The following TRAT1 variants were observed in gnomAD, a reference collection of about 807,000 sequenced individuals.
TRAT1 encodes T cell receptor associated transmembrane adaptor 1.
TRAT1 carries 20 observed loss-of-function variants against 20.0 expected under a neutral mutation model. The ratio of observed to expected loss-of-function variants is 1.00; its 90% CI spans 0.70 to 1.45. The LOEUF (loss-of-function observed/expected upper bound fraction) is 1.45, where lower values mean the gene tolerates loss of function less well. Among genes scored for constraint, TRAT1 ranks in the 40% most tolerant of loss-of-function variants. The pLI is 0.00. For missense variants in TRAT1, 237 were observed against 224.1 expected, an observed-to-expected ratio of 1.06 and a Z score of -0.37; for synonymous variants, 77 against 74.2, an observed-to-expected ratio of 1.04 and a Z score of -0.20.
chr3:108,839,631 T>TGA (rs1399102434), intron 3 of TRAT1, among the ~76,000 whole-genome samples: 5 of 143,150 alleles, frequency 3.5e-5, no homozygotes, highest in Non-Finnish European at 6.0e-5. Flanking sequence ...GACGACAGAG[T>TGA]GAGACTCTGT....
intron 1 of TRAT1, among the ~76,000 whole-genome samples, chr3:108,824,016 C>T (rs746488954): frequency 2.6e-5 from 4 of 151,980 alleles, no homozygotes; most frequent in Admixed American, 1.3e-4. Context: ...GGACTACAGG[C>T]GCGTGCCACC....
At chr3:108,846,782 CGA>C (rs1945947565) in intron 3 of TRAT1, among the ~76,000 whole-genome samples, 2 of 152,136 alleles carry the variant, frequency 1.3e-5, no homozygotes, top group South Asian at 4.1e-4. Context: ...GAAATATACT[CGA>C]TGTAGCGCCT....
chr3:108,845,412 T>C (rs1354762758), intron 3 of TRAT1, among the ~76,000 whole-genome samples: 1 of 152,224 alleles, frequency 6.6e-6, no homozygotes, highest in Non-Finnish European at 1.5e-5. Flanking sequence ...TTATTAAAAA[T>C]TCTTCAGTTT....
At position 108,830,656 on chromosome 3, in the gene TRAT1, A is replaced by T; in HGVS notation, c.8-14A>T. On this transcript the variant is annotated splice_polypyrimidine_tract_variant and intron_variant, in intron 1 of 5. Coordinates refer to ENST00000295756, the MANE Select transcript of TRAT1 (RefSeq NM_016388.4). ...CAGCTGTTATATTATGTGTATGTTTATTTTAATTTCCAGGAATCTCTGGGT... is the reference window on the plus strand; with the variant it reads ...CAGCTGTTATATTATGTGTATGTTTTTTTTAATTTCCAGGAATCTCTGGGT... 1 of 1,557,202 alleles carries T rather than the reference A, an allele frequency of 6.4e-7. No individual in the cohort carries two copies.
At chr3:108,832,305 G>T (rs948068672) in intron 2 of TRAT1, among the ~76,000 whole-genome samples, 10 of 152,076 alleles carry the variant, frequency 6.6e-5, no homozygotes, top group Non-Finnish European at 1.3e-4. Context: ...ACTCTTTTTG[G>T]ATCTCTATTA....
Position 108,854,588 on chromosome 3 carries a change from G to A in TRAT1, c.*711G>A, listed in dbSNP as rs1286806959. On this transcript the variant is annotated 3_prime_UTR_variant, in exon 6 of 6. Transcript: ENST00000295756. ...GCATGCTTATGTATGTACATCAGTT[G>A]TTTCTTTTTATTTTGAACCAAAAAT... is the stretch of plus-strand genomic sequence containing the variant. 2 of 151,908 alleles carry A rather than the reference G, an allele frequency of 1.3e-5. No individual in the cohort carries two copies. Among genetic ancestry groups the A allele is most frequent in the African/African-American group, 4.8e-5 (2 of 41,386 alleles). The allele number at this position is 151,908 out of a possible 1,614,324, so 9.4% of individuals were successfully genotyped here. A position where few individuals can be genotyped will look rare whatever the true frequency, so the allele number is the denominator to read the frequency against.
At chr3:108,840,454 G>A (rs1166175972) in intron 3 of TRAT1, among the ~76,000 whole-genome samples, 1 of 151,844 alleles carries the variant, frequency 6.6e-6, no homozygotes, top group African/African-American at 2.4e-5. Context: ...TGATGGTTTA[G>A]GGATTAGGAT....
chr3:108,850,033 C>T (rs773535112), intron 5 of TRAT1, among the ~76,000 whole-genome samples: 5 of 152,180 alleles, frequency 3.3e-5, no homozygotes, highest in South Asian at 2.1e-4. Flanking sequence ...GCAATTTTTA[C>T]GTGTTGGTCT....
At chr3:108,830,855 G>A (rs1576518451) in intron 2 of TRAT1, 75 bp downstream of exon 2, 1 of 897,744 alleles carries the variant, frequency 1.1e-6, no homozygotes, top group South Asian at 1.5e-5. Flanking sequence ...ACCTATGGAA[G>A]CAGACAATTT....
chr3:108,842,443 G>A (rs1300395969), intron 3 of TRAT1, among the ~76,000 whole-genome samples: 1 of 152,114 alleles, frequency 6.6e-6, no homozygotes, highest in Non-Finnish European at 1.5e-5. Flanking sequence ...CCCCTTCCCT[G>A]ACATCACAGA....
intron 3 of TRAT1, among the ~76,000 whole-genome samples, chr3:108,843,638 G>T (rs550594472): frequency 9.2e-5 from 14 of 152,228 alleles, no homozygotes; most frequent in South Asian, 2.1e-4. Context: ...AACTTGAAAG[G>T]TCCCTCTATA....
chr3:108,826,554 C>A (rs572738718), intron 1 of TRAT1, among the ~76,000 whole-genome samples: 47 of 152,080 alleles, frequency 3.1e-4, no homozygotes, highest in African/African-American at 1.1e-3. Flanking sequence ...GTGTCACGTT[C>A]AAAAAATCAT....
In TRAT1 at chr3:108,841,495, A is replaced by G. The variant is rs546915912; in HGVS notation, c.152+2528A>G. 1.5e-4 allele frequency among the ~76,000 whole-genome samples: 23 copies of G among 152,160 alleles called. No individual in the cohort carries two copies. The South Asian group carries it at 4.0e-3, about 26-fold the overall frequency. ...AACAGGGCAAGTGAAAATAAGGTCT[A>G]TGTTTCTCGGGTGGGGCTTGCGTTA... On this transcript the variant is annotated intron_variant, in intron 3 of 5. Coordinates refer to ENST00000295756, the MANE Select transcript of TRAT1 (RefSeq NM_016388.4).
intron 3 of TRAT1, among the ~76,000 whole-genome samples, chr3:108,844,861 A>AAAAAAAAAAAAG (rs1945927673): frequency 7.3e-6 from 1 of 137,246 alleles, no homozygotes; most frequent in Non-Finnish European, 1.6e-5. Flanking sequence ...AAAAAAAAAA[A>AAAAAAAAAAAAG]AAAAAAAAGA....
Position 108,849,242 on chromosome 3 carries a change from C to A in TRAT1, c.291C>A (p.Thr97=). Reference sequence around the variant, plus strand: ...CTGTAAATAAGATGCAGGAAGCCACCCCATCTGCACAGGTGAGTTTTGTTT... The same window carrying A: ...CTGTAAATAAGATGCAGGAAGCCACACCATCTGCACAGGTGAGTTTTGTTT... The part of the protein sequence containing the change: ...EKSVNKMQEA[T]PSAQATNETQ... The change falls in exon 5 of 6, where the codon ACC becomes ACA. Residue 97 remains threonine (T), a synonymous_variant. Transcript: ENST00000295756. The A allele has an allele frequency of 6.2e-7, 1 of 1,613,700 alleles. No homozygotes were observed. Among genetic ancestry groups the A allele is most frequent in the South Asian group, 1.1e-5 (1 of 91,046 alleles).
At chr3:108,841,907 G>C (rs1264359554) in intron 3 of TRAT1, among the ~76,000 whole-genome samples, 1 of 152,200 alleles carries the variant, frequency 6.6e-6, no homozygotes, top group Non-Finnish European at 1.5e-5. Context: ...ATTTTAAACA[G>C]ACTTGCAATT....
chr3:108,843,870 TTTC>T (rs1397622132), intron 3 of TRAT1, among the ~76,000 whole-genome samples: 1 of 152,234 alleles, frequency 6.6e-6, no homozygotes, highest in Non-Finnish European at 1.5e-5. Flanking sequence ...CCTCTTTGGT[TTTC>T]TTCTTCTCTT....
chr3:108,844,816 C>T (rs1945925649), intron 3 of TRAT1, among the ~76,000 whole-genome samples: 1 of 129,574 alleles, frequency 7.7e-6, no homozygotes, highest in South Asian at 2.3e-4. Context: ...TGCACTCCAG[C>T]CTGGGTGACA....
chr3:108,850,889 G>A (rs2107516513), intron 5 of TRAT1, among the ~76,000 whole-genome samples: 1 of 152,270 alleles, frequency 6.6e-6, no homozygotes, highest in East Asian at 1.9e-4. Context: ...CTTGTACAGG[G>A]TAGCTTTATT....
Sources: gnomAD v4.1 joint callset for allele counts (sites outside exome capture counted in the v4.1 genomes callset) on GRCh38, gnomAD v4.1.1 for gene constraint, MANE v1.5 for transcripts, NCBI Gene and HGNC (gene_info 2026-07-23, HGNC 2026-07-21) for gene names.